Variants in DMTN observed in about 807,000 individuals in gnomAD.
DMTN encodes the protein dematin.
Under a neutral mutation model 59.4 loss-of-function variants are expected in DMTN, and 27 were observed. That is an observed-to-expected ratio of 0.45 (90% CI 0.33 to 0.63). DMTN has a LOEUF of 0.63. Ranked by LOEUF, DMTN falls within the 20% of genes least tolerant of loss-of-function variation. The probability of loss-of-function intolerance (pLI) is 0.02; values close to 1 mark genes in which losing one functional copy is unlikely to be tolerated. For missense variants in DMTN, 451 were observed against 528.9 expected (o/e 0.85, Z 1.45); for synonymous variants, 221 against 203.7 (o/e 1.08, Z -0.72).
At position 22,078,800 on chromosome 8, in the gene DMTN, T is replaced by TTTTTTTTG. The variant is rs1357268467; in HGVS notation, c.836-1373_836-1372insGTTTTTTT. On this transcript the variant is annotated intron_variant, in intron 10 of 15. Coordinates refer to ENST00000358242, the MANE Select transcript of DMTN (RefSeq NM_001387751.1). Reference sequence around the variant, plus strand: ...TTTCTGTAGTATAATGTCAGACTGTTTTTTTTTTTTTTTTGAGATGGAGTC... The same window carrying TTTTTTTTG: ...TTTCTGTAGTATAATGTCAGACTGTTTTTTTTTGTTTTTTTTTTTTTTGAGATGGAGTC... Among the ~76,000 whole-genome samples, 4 of 116,944 alleles carry TTTTTTTTG rather than the reference T, an allele frequency of 3.4e-5. 1 individual carries two copies. In the East Asian group the frequency reaches 7.4e-4, roughly 22 times the overall value. 76.7% of individuals were successfully genotyped at this position (116,944 alleles called of 152,430 possible).
upstream of DMTN, among the ~76,000 whole-genome samples, chr8:22,051,307 C>T (rs893086129): frequency 1.3e-5 from 2 of 152,194 alleles, no homozygotes. Context: ...TCCACCCTGT[C>T]CTCCAAACAG....
At position 22,072,215 on chromosome 8, in the gene DMTN, A is replaced by T. The variant is rs1012491941; in HGVS notation, c.605-111A>T. On this transcript the variant is annotated intron_variant, in intron 8 of 15. Coordinates refer to ENST00000358242, the MANE Select transcript of DMTN (RefSeq NM_001387751.1). Reference sequence around the variant, plus strand: ...ACTTTATTTTTTAAAAAAATTTTGTAGTGGCCTTATCAAGGTCCAGCCCAG... The same window carrying T: ...ACTTTATTTTTTAAAAAAATTTTGTTGTGGCCTTATCAAGGTCCAGCCCAG... 500 of 1,351,554 alleles carry T rather than the reference A, an allele frequency of 3.7e-4. 1 individual carries two copies. The highest frequency in any genetic ancestry group is 4.1e-4 in the Non-Finnish European group (429 of 1,037,744). 83.7% of individuals were successfully genotyped at this position (1,351,554 alleles called of 1,614,324 possible).
chr8:22,070,430 C>T lies in DMTN; in HGVS notation c.604+96C>T. 4 of 1,446,070 alleles carry T rather than the reference C, an allele frequency of 2.8e-6. No individual in the cohort carries two copies. The South Asian group carries it at 5.8e-5, about 21-fold the overall frequency. The allele number at this position is 1,446,070 out of a possible 1,614,324, so 89.6% of individuals were successfully genotyped here. A position where few individuals can be genotyped will look rare whatever the true frequency, so the allele number is the denominator to read the frequency against. On this transcript the variant is annotated intron_variant, in intron 8 of 15. Transcript: ENST00000358242. Reference sequence around the variant, plus strand: ...GCAGTCCGTGAACCCACTCCCACCCCTGCCCTATGGTGTCCTCGTGGGCTT... The same window carrying T: ...GCAGTCCGTGAACCCACTCCCACCCTTGCCCTATGGTGTCCTCGTGGGCTT...
In DMTN at chr8:22,073,752, T is replaced by C; in HGVS notation, c.752T>C (p.Met251Thr). 4 of 1,613,656 alleles carry C rather than the reference T, an allele frequency of 2.5e-6. No homozygotes were observed. Among genetic ancestry groups the C allele is most frequent in the Non-Finnish European group, 3.4e-6 (4 of 1,179,784 alleles). Reference protein sequence around the residue: ...LSKVTSNLGKMILKEEMEKSL... With the variant: ...LSKVTSNLGKTILKEEMEKSL... ...CAGGTTACTTCCAACTTGGGAAAGATGATCTTGAAAGAAGAGATGGAAAAG... is the reference window on the plus strand; with the variant it reads ...CAGGTTACTTCCAACTTGGGAAAGACGATCTTGAAAGAAGAGATGGAAAAG... Residue 251 changes from methionine to threonine, a missense_variant, in exon 10 of 16, where the codon ATG becomes ACG. Transcript: ENST00000358242.
chr8:22,077,220 G>C (rs1055032091), intron 10 of DMTN, among the ~76,000 whole-genome samples: 10 of 152,136 alleles, frequency 6.6e-5, no homozygotes, highest in African/African-American at 1.7e-4. Flanking sequence ...GGGGGAGGTA[G>C]GAGGGGAATG....
At chr8:22,068,272 A>G (rs530142376) in intron 4 of DMTN, among the ~76,000 whole-genome samples, 1 of 152,268 alleles carries the variant, frequency 6.6e-6, no homozygotes, top group African/African-American at 2.4e-5. Flanking sequence ...GACAGGACAA[A>G]CTATTCCCCA....
In DMTN at chr8:22,058,432, C is replaced by T. The variant is rs542129915; in HGVS notation, c.-172+1296C>T. Among the ~76,000 whole-genome samples, 99 of 152,286 alleles carry T rather than the reference C, an allele frequency of 6.5e-4. 1 individual carries two copies. The highest frequency in any genetic ancestry group is 3.4e-3 in the Middle Eastern group (1 of 294). On this transcript the variant is annotated intron_variant, in intron 1 of 15. Transcript: ENST00000358242. The surrounding 1 kb of genome is among the most constrained non-coding windows in gnomAD (Gnocchi z 4.3). ...AGCTATAAATGGAGGGGAAGCAGTC[C>T]GCCTGAGGGGGCTGCAGGATGCAGA...
At chr8:22,062,294 C>G (rs1807150370) in intron 1 of DMTN, among the ~76,000 whole-genome samples, 1 of 152,054 alleles carries the variant, frequency 6.6e-6, no homozygotes, top group African/African-American at 2.4e-5. Flanking sequence ...GATAGGGTCT[C>G]TCTATGTTGC....
intron 5 of DMTN, 117 bp downstream of exon 5, chr8:22,069,177 C>A (rs1175124767): frequency 8.0e-7 from 1 of 1,242,718 alleles, no homozygotes; most frequent in Non-Finnish European, 1.1e-6. Flanking sequence ...GAATCAGCGG[C>A]CCCCTGGCTG....
intron 10 of DMTN, 65 bp downstream of exon 10, chr8:22,073,900 G>A: frequency 7.2e-7 from 1 of 1,382,856 alleles, no homozygotes; most frequent in Non-Finnish European, 1.0e-6. Flanking sequence ...CTGTGCATCT[G>A]TTGACTTGTG....
chr8:22,049,191 A>AGCCT (rs952040856), upstream of DMTN: 3 of 139,972 alleles, frequency 2.1e-5, no homozygotes, highest in African/African-American at 8.0e-5. Context: ...GGACGCCAGG[A>AGCCT]GCCTCCTCGG....
At chr8:22,055,994 G>A (rs1054621164), upstream of DMTN, among the ~76,000 whole-genome samples, 5 of 152,166 alleles carry the variant, frequency 3.3e-5, no homozygotes, top group Non-Finnish European at 7.4e-5. Context: ...GGACATTGGG[G>A]CCAGGGCGAG....
chr8:22,079,302 T>TATA (rs1491109949), intron 10 of DMTN, among the ~76,000 whole-genome samples: 1 of 15,528 alleles, frequency 6.4e-5, no homozygotes, highest in African/African-American at 1.2e-4. Context: ...ATATATATAT[T>TATA]AGCTGGGTTT....
At chr8:22,064,209 C>A (rs111241789) in intron 1 of DMTN, among the ~76,000 whole-genome samples, 21,387 of 152,230 alleles carry the variant, frequency 0.14, 1,610 homozygotes, top group African/African-American at 0.18. Flanking sequence ...TGAACAGATA[C>A]ATGCATGCAT....
At chr8:22,078,483 G>A (rs918953436) in intron 10 of DMTN, among the ~76,000 whole-genome samples, 2 of 107,922 alleles carry the variant, frequency 1.9e-5, no homozygotes, top group East Asian at 2.7e-4. Flanking sequence ...ATCTATGGAG[G>A]TTAACTATTT....
rs1351942961 is a variant in DMTN, at chr8:22,081,966, C to G, written c.*503C>G. 1.1e-5 allele frequency: 5 copies of G among 456,844 alleles called. No individual in the cohort carries two copies. In the East Asian group the frequency reaches 2.8e-4, roughly 25 times the overall value. 28.3% of individuals were successfully genotyped at this position (456,844 alleles called of 1,614,324 possible). ...CTAGTGGGAACAGGCCCCAGCTCAG[C>G]CTCCGGCAGGGAGGTCACCCCTCCA... is the stretch of plus-strand genomic sequence containing the variant. On this transcript the variant is annotated 3_prime_UTR_variant, in exon 16 of 16. Transcript: ENST00000358242.
At chr8:22,052,454 G>A (rs1404109521), upstream of DMTN, among the ~76,000 whole-genome samples, 1 of 152,172 alleles carries the variant, frequency 6.6e-6, no homozygotes, top group Non-Finnish European at 1.5e-5. Flanking sequence ...TCTTTAGGCA[G>A]ACGTGGGTGG....
chr8:22,050,570 C>A (rs1801246343), upstream of DMTN, among the ~76,000 whole-genome samples: 2 of 152,118 alleles, frequency 1.3e-5, no homozygotes, highest in South Asian at 4.2e-4. Context: ...ACCGACAGGC[C>A]TCTGGGGGCT....
chr8:22,080,054 C>T lies in DMTN; in HGVS notation c.836-126C>T, dbSNP rs970345267. ...GGAGCTGGGAGCTAGCAGAAGCCCA[C>T]CAGGTTCCCCCCAGCGTGATCCCTT... On this transcript the variant is annotated intron_variant, in intron 10 of 15. Coordinates refer to ENST00000358242, the MANE Select transcript of DMTN (RefSeq NM_001387751.1). 4.7e-5 allele frequency: 50 copies of T among 1,060,656 alleles called. No individual in the cohort carries two copies. In the African/African-American group the frequency reaches 7.2e-4, roughly 15 times the overall value. The allele number at this position is 1,060,656 out of a possible 1,614,324, so 65.7% of individuals were successfully genotyped here. A position where few individuals can be genotyped will look rare whatever the true frequency, so the allele number is the denominator to read the frequency against.
Sources: gnomAD v4.1 joint callset for allele counts (sites outside exome capture counted in the v4.1 genomes callset) on GRCh38, gnomAD v4.1.1 for gene constraint, Gnocchi (gnomAD v3.1) non-coding constraint, MANE v1.5 for transcripts, NCBI Gene and HGNC (gene_info 2026-07-23, HGNC 2026-07-21) for gene names.